Variants in PLD5 observed in about 807,000 individuals in gnomAD.
The protein encoded by PLD5 is phospholipase D family member 5, also known as inactive phospholipase D5.
A neutral mutation model predicts 61.1 loss-of-function variants in PLD5; 36 were observed. That is an observed-to-expected ratio of 0.59 (90% CI 0.45 to 0.78). The LOEUF is 0.78. Ranked by LOEUF, PLD5 falls within the 30% of genes least tolerant of loss-of-function variation. The probability of loss-of-function intolerance (pLI) is 0.00; values close to 1 mark genes in which losing one functional copy is unlikely to be tolerated. For synonymous variants in PLD5, 243 were observed against 242.8 expected (o/e 1.00, Z -0.01); for missense variants, 515 against 644.4 (o/e 0.80, Z 2.17).
intron 2 of PLD5, among the ~76,000 whole-genome samples, chr1:242,340,997 T>C (rs1165597045): frequency 6.6e-6 from 1 of 152,074 alleles, no homozygotes; most frequent in African/African-American, 2.4e-5. Flanking sequence ...GAACTTAGAT[T>C]CTGGTCTTTA....
At chr1:242,327,196 G>A (rs1028636916) in intron 2 of PLD5, among the ~76,000 whole-genome samples, 1 of 151,366 alleles carries the variant, frequency 6.6e-6, no homozygotes, top group East Asian at 2.0e-4. Context: ...TTGTAGAAAC[G>A]GGGTCTCACT....
chr1:242,221,301 A>C lies in PLD5; in HGVS notation c.608-1186T>G, dbSNP rs140677052. On this transcript the variant is annotated intron_variant, in intron 4 of 9. Coordinates refer to ENST00000536534, the MANE Select transcript of PLD5 (RefSeq NM_001372062.1). Reference sequence around the variant, plus strand: ...AGGTCTATTCCCTTTAAAATAACAGACCTATATGCATATATTTAATGAACT... The same window carrying C: ...AGGTCTATTCCCTTTAAAATAACAGCCCTATATGCATATATTTAATGAACT... Among the ~76,000 whole-genome samples, 642 of 152,250 alleles carry C rather than the reference A, an allele frequency of 4.2e-3. 3 individuals are homozygous for C. Among genetic ancestry groups the C allele is most frequent in the Non-Finnish European group, 6.4e-3 (436 of 68,020 alleles).
rs1198261249 is a variant in PLD5, at chr1:242,256,756, A to G, written c.607+8581T>C. On this transcript the variant is annotated intron_variant, in intron 4 of 9. Coordinates refer to ENST00000536534, the MANE Select transcript of PLD5 (RefSeq NM_001372062.1). This position sits in a 1 kb window ranked among gnomAD's most constrained non-coding sequence, Gnocchi z 5.7. ...AATGAACTAAGACTATCATCTATCT[A>G]TCTATCTATCTATCTATCTATCTAT... Among the ~76,000 whole-genome samples, 1 of 90,590 alleles carries G rather than the reference A, an allele frequency of 1.1e-5. No homozygotes were observed. The highest frequency in any genetic ancestry group is 5.5e-5 in the African/African-American group (1 of 18,046). 59.4% of individuals were successfully genotyped at this position (90,590 alleles called of 152,430 possible). A position where few individuals can be genotyped will look rare whatever the true frequency, so the allele number is the denominator to read the frequency against.
At chr1:242,468,444 C>T (rs921522520) in intron 1 of PLD5, among the ~76,000 whole-genome samples, 2 of 151,904 alleles carry the variant, frequency 1.3e-5, no homozygotes, top group Non-Finnish European at 2.9e-5. Flanking sequence ...AATAGAATAG[C>T]CTTTCTTTAC....
chr1:242,456,041 A>G (rs1473574), intron 1 of PLD5, among the ~76,000 whole-genome samples: 62,256 of 152,202 alleles, frequency 0.41, 13,441 homozygotes, highest in Admixed American at 0.54. Context: ...TCACAGGTAG[A>G]AGGATGGGAA....
In PLD5 at chr1:242,297,402, ACTT is replaced by A. The variant is rs1191262816; in HGVS notation, c.327-8875_327-8873del. 1.2e-3 allele frequency among the ~76,000 whole-genome samples: 160 copies of A among 129,506 alleles called. 3 individuals carry two copies. Among genetic ancestry groups the A allele is most frequent in the African/African-American group, 4.1e-3 (139 of 33,934 alleles). The allele number at this position is 129,506 out of a possible 152,430, so 85.0% of individuals were successfully genotyped here. ...CCCCCTTTTCCTATCACCCTTCAAG[ACTT>A]TTTTTTTTTTTTTTTTTTTAAGGCA... On this transcript the variant is annotated intron_variant, in intron 2 of 9. Coordinates refer to ENST00000536534, the MANE Select transcript of PLD5 (RefSeq NM_001372062.1).
chr1:242,256,192 G>T lies in PLD5; in HGVS notation c.607+9145C>A, dbSNP rs1673002598. 6.6e-6 allele frequency among the ~76,000 whole-genome samples: 1 copy of T among 152,198 alleles called. No homozygotes were observed. The highest frequency in any genetic ancestry group is 1.5e-5 in the Non-Finnish European group (1 of 68,038). On this transcript the variant is annotated intron_variant, in intron 4 of 9. Coordinates refer to ENST00000536534, the MANE Select transcript of PLD5 (RefSeq NM_001372062.1). The surrounding 1 kb of genome is among the most constrained non-coding windows in gnomAD (Gnocchi z 5.7). ...GAGTCACAAGGGGAGCAGATGAGTGGATGCAGAGGGCTGAGCACTGTCACT... is the reference window on the plus strand; with the variant it reads ...GAGTCACAAGGGGAGCAGATGAGTGTATGCAGAGGGCTGAGCACTGTCACT...
rs1050873319 is a variant in PLD5 at position 242,086,231 on chromosome 1, G to A, written c.*3623C>T. 1 of 152,204 alleles carries A rather than the reference G, an allele frequency of 6.6e-6. No homozygotes were observed. Among genetic ancestry groups the A allele is most frequent in the African/African-American group, 2.4e-5 (1 of 41,456 alleles). 9.4% of individuals were successfully genotyped at this position (152,204 alleles called of 1,614,324 possible). On this transcript the variant is annotated 3_prime_UTR_variant, in exon 10 of 10. Coordinates refer to ENST00000536534, the MANE Select transcript of PLD5 (RefSeq NM_001372062.1). ...ACAGAGAGGGCCCGAATGGTGCCCA[G>A]AGTTACACAGGTGCAAAGTGTATCC...
At chr1:242,382,289 A>G (rs1662342580) in intron 1 of PLD5, among the ~76,000 whole-genome samples, 1 of 152,162 alleles carries the variant, frequency 6.6e-6, no homozygotes, top group African/African-American at 2.4e-5. Context: ...GCTGCATTGA[A>G]CATGGCATTT....
chr1:242,191,501 G>C (rs1009595960), intron 5 of PLD5, among the ~76,000 whole-genome samples: 1 of 151,962 alleles, frequency 6.6e-6, no homozygotes, highest in African/African-American at 2.4e-5. Context: ...CAGGAAAATC[G>C]CTTGAACCCA....
chr1:242,372,904 C>T (rs1233202587), intron 1 of PLD5, among the ~76,000 whole-genome samples: 1 of 152,148 alleles, frequency 6.6e-6, no homozygotes, highest in Non-Finnish European at 1.5e-5. Context: ...ATGTCTAAAA[C>T]ACCAAAAGCA....
chr1:242,403,325 G>A (rs1664044812), intron 1 of PLD5, among the ~76,000 whole-genome samples: 1 of 152,138 alleles, frequency 6.6e-6, no homozygotes, highest in African/African-American at 2.4e-5. Flanking sequence ...GGTGTCTTTT[G>A]CTTTCTCCCC....
upstream of PLD5, among the ~76,000 whole-genome samples, chr1:242,527,306 A>T (rs7518877): frequency 0.19 from 27,965 of 151,132 alleles, 2,732 homozygotes; most frequent in African/African-American, 0.26. Flanking sequence ...AATTTTTGTT[A>T]TTTATTTTTA....
At chr1:242,265,869 C>T (rs192302067) in intron 3 of PLD5, among the ~76,000 whole-genome samples, 3 of 152,320 alleles carry the variant, frequency 2.0e-5, no homozygotes, top group Admixed American at 1.3e-4. Context: ...GTTTCTTCCT[C>T]TGCAAAATGC....
intron 1 of PLD5, among the ~76,000 whole-genome samples, chr1:242,420,904 C>A (rs544494688): frequency 6.6e-6 from 1 of 152,082 alleles, no homozygotes; most frequent in Non-Finnish European, 1.5e-5. Flanking sequence ...GTTGGCCGGG[C>A]GCAGTGGTTC....
intron 1 of PLD5, among the ~76,000 whole-genome samples, chr1:242,519,431 TACTA>T (rs376150327): frequency 6.6e-6 from 1 of 152,178 alleles, no homozygotes; most frequent in Non-Finnish European, 1.5e-5. Context: ...GTGAGGCACT[TACTA>T]AATAAATCAA....
At chr1:242,527,555 A>G (rs2103018414), upstream of PLD5, among the ~76,000 whole-genome samples, 1 of 152,344 alleles carries the variant, frequency 6.6e-6, no homozygotes, top group South Asian at 2.1e-4. Flanking sequence ...TAGTCAAAAT[A>G]TAAATTTTTA....
intron 1 of PLD5, among the ~76,000 whole-genome samples, chr1:242,378,046 C>T (rs149508831): frequency 6.6e-6 from 1 of 152,122 alleles, no homozygotes; most frequent in Non-Finnish European, 1.5e-5. Context: ...AAAGCAGGGA[C>T]TCAAACAGAG....
intron 2 of PLD5, among the ~76,000 whole-genome samples, chr1:242,326,559 C>T (rs1232774135): frequency 6.6e-6 from 1 of 152,124 alleles, no homozygotes; most frequent in East Asian, 1.9e-4. Context: ...CCCCATCCCT[C>T]CTTCTGGCTT....
Sources: allele counts gnomAD v4.1 joint callset (sites outside exome capture counted in the v4.1 genomes callset), GRCh38; gene constraint gnomAD v4.1.1; non-coding constraint Gnocchi (gnomAD v3.1); transcripts MANE v1.5; gene names NCBI Gene and HGNC (gene_info 2026-07-23, HGNC 2026-07-21).